TBC1D5: variants seen among roughly 807,000 people sequenced by gnomAD.
TBC1D5 encodes the protein TBC1 domain family member 5, also known as TBC1 domain family, member 5.
A neutral mutation model predicts 100.3 loss-of-function variants in TBC1D5; 75 were observed. The ratio of observed to expected loss-of-function variants is 0.75; its 90% CI spans 0.62 to 0.91. The LOEUF (loss-of-function observed/expected upper bound fraction) is 0.91. TBC1D5 is among the 40% of genes least tolerant of loss of function. The probability of loss-of-function intolerance (pLI) is 0.00; values close to 1 mark genes in which losing one functional copy is unlikely to be tolerated. For missense variants in TBC1D5, 910 were observed against 942.4 expected, an observed-to-expected ratio of 0.97 and a Z score of 0.45; for synonymous variants, 323 against 325.6, an observed-to-expected ratio of 0.99 and a Z score of 0.09.
intron 1 of TBC1D5, among the ~76,000 whole-genome samples, chr3:17,704,214 G>A (rs1447409861): frequency 7.5e-5 from 10 of 133,426 alleles, no homozygotes; most frequent in Non-Finnish European, 1.4e-4. Flanking sequence ...CACAGCACAT[G>A]TTTCAGAGAG....
intron 1 of TBC1D5, among the ~76,000 whole-genome samples, chr3:17,708,569 T>C (rs1029197882): frequency 6.6e-6 from 1 of 152,240 alleles, no homozygotes; most frequent in Non-Finnish European, 1.5e-5. Flanking sequence ...ACAGCAACCC[T>C]GGCTTCTACC....
rs192982714 is a variant in TBC1D5 at position 17,728,277 on chromosome 3, G to C, written c.-101+11066C>G. ...ATTTATTCTGAAAGTGGTAGCCAAA[G>C]GAATTAGATAAGCCAACAAAATAAA... On this transcript the variant is annotated intron_variant, in intron 1 of 21. Transcript: ENST00000253692. Among the ~76,000 whole-genome samples the C allele has an allele frequency of 7.2e-5, 11 of 152,106 alleles. No homozygotes were observed. The East Asian group carries it at 1.7e-3, about 24-fold the overall frequency.
intron 3 of TBC1D5, among the ~76,000 whole-genome samples, chr3:17,479,757 T>G (rs1316267102): frequency 6.6e-6 from 1 of 152,180 alleles, no homozygotes; most frequent in Non-Finnish European, 1.5e-5. Flanking sequence ...AAGATCACAC[T>G]GATTTCAGCA....
intron 3 of TBC1D5, among the ~76,000 whole-genome samples, chr3:17,466,759 A>G (rs1055552635): frequency 2.0e-5 from 3 of 149,428 alleles, no homozygotes; most frequent in African/African-American, 7.7e-5. Flanking sequence ...CCTTATATGC[A>G]AAATTACTTT....
At chr3:17,584,750 G>A (rs1229395956) in intron 2 of TBC1D5, among the ~76,000 whole-genome samples, 1 of 152,200 alleles carries the variant, frequency 6.6e-6, no homozygotes, top group Non-Finnish European at 1.5e-5. Context: ...TCCACTTCCC[G>A]AGTTCAAGAG....
rs1249433286 is a variant in TBC1D5 at position 17,630,268 on chromosome 3, A to T, written c.-100-6355T>A. ...TTTTATTGTGCTTTGCAGATGCTGC[A>T]TTTTTTTTACAAATGTACGTTTGTG... is the stretch of plus-strand genomic sequence containing the variant. On this transcript the variant is annotated intron_variant, in intron 1 of 21. Coordinates refer to ENST00000253692, the Ensembl canonical transcript of TBC1D5. Among the ~76,000 whole-genome samples the T allele has an allele frequency of 3.3e-5, 5 of 152,000 alleles. No homozygotes were observed. In the South Asian group the frequency reaches 6.2e-4, roughly 19 times the overall value.
chr3:17,221,743 A>G (rs2074315195), intron 17 of TBC1D5, among the ~76,000 whole-genome samples: 1 of 152,210 alleles, frequency 6.6e-6, no homozygotes, highest in Non-Finnish European at 1.5e-5. Flanking sequence ...CAAATAAACA[A>G]GGAAACAGAT....
At chr3:17,344,873 G>T (rs2089625320) in intron 13 of TBC1D5, among the ~76,000 whole-genome samples, 1 of 152,116 alleles carries the variant, frequency 6.6e-6, no homozygotes, top group South Asian at 2.1e-4. Context: ...TATGTAGAAA[G>T]CTGAAACTGG....
chr3:17,468,503 A>T (rs2095335616), intron 3 of TBC1D5, among the ~76,000 whole-genome samples: 1 of 152,184 alleles, frequency 6.6e-6, no homozygotes, highest in Admixed American at 6.5e-5. Flanking sequence ...TTCCAAAGAA[A>T]TTACTGCTTT....
intron 13 of TBC1D5, among the ~76,000 whole-genome samples, chr3:17,317,362 G>T (rs1318756495): frequency 1.3e-5 from 2 of 152,160 alleles, no homozygotes; most frequent in African/African-American, 4.8e-5. Context: ...GACAGGGAGG[G>T]AAACAGGAAA....
intron 18 of TBC1D5, among the ~76,000 whole-genome samples, chr3:17,198,897 C>CAT (rs759188002): frequency 6.6e-6 from 1 of 152,190 alleles, no homozygotes; most frequent in Non-Finnish European, 1.5e-5. Flanking sequence ...TTGATTAAAA[C>CAT]ATTCTCCCAG....
At chr3:17,489,512 T>C (rs1386486010) in intron 3 of TBC1D5, among the ~76,000 whole-genome samples, 1 of 152,162 alleles carries the variant, frequency 6.6e-6, no homozygotes, top group African/African-American at 2.4e-5. Context: ...CCACAAGTGT[T>C]TGTCATTCCC....
chr3:17,325,917 C>T (rs1030481070), intron 13 of TBC1D5, among the ~76,000 whole-genome samples: 4 of 152,010 alleles, frequency 2.6e-5, no homozygotes, highest in African/African-American at 9.7e-5. Flanking sequence ...GTGACAAAAC[C>T]TTGAATGCTA....
At chr3:17,693,782 T>C (rs1325722943) in intron 1 of TBC1D5, among the ~76,000 whole-genome samples, 1 of 152,180 alleles carries the variant, frequency 6.6e-6, no homozygotes, top group Non-Finnish European at 1.5e-5. Flanking sequence ...GCCTCCTCAA[T>C]TGGGTCCCTG....
Position 17,700,714 on chromosome 3 carries a change from C to G in TBC1D5, c.-101+38629G>C, listed in dbSNP as rs2073034636. Among the ~76,000 whole-genome samples the G allele has an allele frequency of 2.6e-5, 4 of 152,106 alleles. No homozygotes were observed. The South Asian group carries it at 8.3e-4, about 31-fold the overall frequency. On this transcript the variant is annotated intron_variant, in intron 1 of 21. Coordinates refer to ENST00000253692, the Ensembl canonical transcript of TBC1D5. Reference sequence around the variant, plus strand: ...CAAAAGAAGACATCTACGCGGCCAACAGACACGTGAAAAAATGCTCATCAT... The same window carrying G: ...CAAAAGAAGACATCTACGCGGCCAAGAGACACGTGAAAAAATGCTCATCAT...
At chr3:17,488,315 T>C (rs572040106) in intron 3 of TBC1D5, among the ~76,000 whole-genome samples, 1 of 152,348 alleles carries the variant, frequency 6.6e-6, no homozygotes, top group Admixed American at 6.5e-5. Flanking sequence ...TGATAACTTA[T>C]TCTTTTTATC....
chr3:17,616,016 T>G (rs1420304993), intron 2 of TBC1D5, among the ~76,000 whole-genome samples: 1 of 152,242 alleles, frequency 6.6e-6, no homozygotes, highest in Non-Finnish European at 1.5e-5. Flanking sequence ...CTTTCTCTTG[T>G]GGGCATTTAG....
At chr3:17,621,650 T>C (rs2062666620) in intron 2 of TBC1D5, among the ~76,000 whole-genome samples, 2 of 152,194 alleles carry the variant, frequency 1.3e-5, no homozygotes, top group African/African-American at 4.8e-5. Flanking sequence ...ACCAGAGACA[T>C]CTATCACTAC....
At chr3:17,379,468 T>C (rs2092845062) in intron 9 of TBC1D5, among the ~76,000 whole-genome samples, 1 of 152,114 alleles carries the variant, frequency 6.6e-6, no homozygotes, top group Non-Finnish European at 1.5e-5. Context: ...TACACCACTC[T>C]GTCTAGATTC....
Sources: gnomAD v4.1 joint callset for allele counts (sites outside exome capture counted in the v4.1 genomes callset) on GRCh38, gnomAD v4.1.1 for gene constraint, MANE v1.5 for transcripts, NCBI Gene and HGNC (gene_info 2026-07-23, HGNC 2026-07-21) for gene names.